Variants in ARIH1 observed in about 807,000 individuals in gnomAD.
ARIH1 encodes ariadne RBR E3 ubiquitin protein ligase 1, also known as E3 ubiquitin-protein ligase ARIH1.
In ARIH1, 8 loss-of-function variants were observed where a neutral mutation model predicts 85.0. The observed-to-expected ratio is 0.09, with a 90% CI of 0.06 to 0.17. The LOEUF (loss-of-function observed/expected upper bound fraction) is 0.17, where lower values mean the gene tolerates loss of function less well. Ranked by LOEUF, ARIH1 falls within the 10% of genes least tolerant of loss-of-function variation. The probability of loss-of-function intolerance (pLI) is 1.00; values close to 1 mark genes in which losing one functional copy is unlikely to be tolerated. For missense variants in ARIH1, 311 were observed against 718.1 expected, an observed-to-expected ratio of 0.43 and a Z score of 6.48; for synonymous variants, 238 against 253.6, an observed-to-expected ratio of 0.94 and a Z score of 0.59.
At chr15:72,509,843 G>A (rs1270958769) in intron 1 of ARIH1, among the ~76,000 whole-genome samples, 2 of 151,350 alleles carry the variant, frequency 1.3e-5, no homozygotes, top group South Asian at 4.2e-4. Context: ...TCCCGCCTTG[G>A]CCCCTCAAAG....
At chr15:72,479,992 C>T (rs1251149401) in intron 1 of ARIH1, among the ~76,000 whole-genome samples, 1 of 151,912 alleles carries the variant, frequency 6.6e-6, no homozygotes, top group Non-Finnish European at 1.5e-5. Context: ...CTCAGCCTCC[C>T]GAGTAGCTGG....
intron 1 of ARIH1, among the ~76,000 whole-genome samples, chr15:72,492,296 A>G (rs1408389967): frequency 1.3e-5 from 2 of 152,214 alleles, no homozygotes; most frequent in African/African-American, 4.8e-5. Flanking sequence ...AAAGCCCAGC[A>G]TTCTTCTGAA....
intron 2 of ARIH1, among the ~76,000 whole-genome samples, chr15:72,526,831 T>G (rs935862351): frequency 6.6e-6 from 1 of 151,718 alleles, no homozygotes; most frequent in Non-Finnish European, 1.5e-5. Flanking sequence ...TCCAGACCAC[T>G]GTCATTTTCT....
intron 1 of ARIH1, among the ~76,000 whole-genome samples, chr15:72,495,020 G>T (rs901291854): frequency 6.6e-6 from 1 of 152,168 alleles, no homozygotes; most frequent in Non-Finnish European, 1.5e-5. Flanking sequence ...TTGGTGAATA[G>T]TTAATAGTTG....
At chr15:72,554,827 C>T (rs141295690) in intron 3 of ARIH1, among the ~76,000 whole-genome samples, 1,563 of 152,242 alleles carry the variant, frequency 0.01, 14 homozygotes, top group Middle Eastern at 0.02. Context: ...GATCTCAGCT[C>T]ACTACAACCT....
At chr15:72,577,924 T>C (rs1331871781) in intron 11 of ARIH1, among the ~76,000 whole-genome samples, 1 of 152,212 alleles carries the variant, frequency 6.6e-6, no homozygotes, top group Non-Finnish European at 1.5e-5. Flanking sequence ...TTCCATTTGC[T>C]TTAGTTTCAG....
intron 2 of ARIH1, among the ~76,000 whole-genome samples, chr15:72,519,880 T>C (rs1747240789): frequency 1.3e-5 from 2 of 152,018 alleles, no homozygotes; most frequent in Non-Finnish European, 2.9e-5. Flanking sequence ...GGAGAAAGAG[T>C]TTTTATCGTT....
intron 1 of ARIH1, among the ~76,000 whole-genome samples, chr15:72,484,645 A>ATATG (rs1555483811): frequency 4.6e-5 from 7 of 150,944 alleles, no homozygotes; most frequent in African/African-American, 1.7e-4. Context: ...ATATATATAT[A>ATATG]TGTGTATATA....
At chr15:72,546,607 C>T (rs533783594) in intron 3 of ARIH1, among the ~76,000 whole-genome samples, 2 of 152,180 alleles carry the variant, frequency 1.3e-5, no homozygotes, top group East Asian at 3.9e-4. Context: ...CTCAGCCTCC[C>T]AAGTAGCTGG....
chr15:72,568,979 C>T (rs1025128644), intron 9 of ARIH1, among the ~76,000 whole-genome samples: 2 of 152,022 alleles, frequency 1.3e-5, no homozygotes, highest in East Asian at 3.9e-4. Context: ...ATCCATAGGC[C>T]TACAGAGCAG....
At chr15:72,498,047 A>G (rs931952475) in intron 1 of ARIH1, among the ~76,000 whole-genome samples, 1 of 152,058 alleles carries the variant, frequency 6.6e-6, no homozygotes, top group Non-Finnish European at 1.5e-5. Context: ...GGTCTTGGAA[A>G]CCTTTTCAGT....
chr15:72,566,536 C>A (rs751464704), intron 7 of ARIH1, 27 bp from the exon 8 acceptor site: 1 of 1,600,172 alleles, frequency 6.2e-7, no homozygotes, highest in South Asian at 1.1e-5. Context: ...GGCCTTAATT[C>A]TATTAACTCT....
chr15:72,561,278 A>G (rs1312316609), intron 5 of ARIH1, among the ~76,000 whole-genome samples: 1 of 152,248 alleles, frequency 6.6e-6, no homozygotes, highest in African/African-American at 2.4e-5. Flanking sequence ...AAAAAAGTCT[A>G]TGAAAATAAA....
chr15:72,529,200 A>G (rs77907171), intron 2 of ARIH1, among the ~76,000 whole-genome samples: 1 of 150,554 alleles, frequency 6.6e-6, no homozygotes, highest in African/African-American at 2.4e-5. Context: ...CTCCGTCTCA[A>G]AAAAAAAAAG....
intron 2 of ARIH1, among the ~76,000 whole-genome samples, chr15:72,544,049 C>A (rs16957095): frequency 0.049 from 7,436 of 152,034 alleles, 249 homozygotes; most frequent in African/African-American, 0.097. Context: ...CTAGGTAGTA[C>A]TTGGCATATA....
At chr15:72,513,321 T>G (rs1047944215) in intron 1 of ARIH1, among the ~76,000 whole-genome samples, 10 of 152,300 alleles carry the variant, frequency 6.6e-5, no homozygotes, top group Middle Eastern at 3.4e-3. Flanking sequence ...ATTTTAGTGG[T>G]TGCTCTAGGG....
chr15:72,495,917 A>C (rs904191708), intron 1 of ARIH1, among the ~76,000 whole-genome samples: 1 of 152,008 alleles, frequency 6.6e-6, no homozygotes, highest in South Asian at 2.1e-4. Context: ...ATATCTTACA[A>C]TTTTTTTCCT....
At chr15:72,525,024 C>G (rs1327673357) in intron 2 of ARIH1, among the ~76,000 whole-genome samples, 1 of 152,166 alleles carries the variant, frequency 6.6e-6, no homozygotes, top group African/African-American at 2.4e-5. Flanking sequence ...GTATCTGGAA[C>G]TACAGGTGCG....
intron 2 of ARIH1, among the ~76,000 whole-genome samples, chr15:72,522,269 A>AT (rs1482690356): frequency 2.0e-5 from 3 of 152,220 alleles, no homozygotes; most frequent in Non-Finnish European, 4.4e-5. Flanking sequence ...ATCCCAGCAC[A>AT]TTGTGAGGCC....
Sources: allele counts gnomAD v4.1 joint callset (sites outside exome capture counted in the v4.1 genomes callset), GRCh38; gene constraint gnomAD v4.1.1; transcripts MANE v1.5; gene names NCBI Gene and HGNC (gene_info 2026-07-23, HGNC 2026-07-21).